Variants in TLN2 observed in about 807,000 individuals in gnomAD.
TLN2 encodes the protein talin-2.
In TLN2, 118 loss-of-function variants were observed where a neutral mutation model predicts 294.7. The ratio of observed to expected loss-of-function variants is 0.40; its 90% confidence interval spans 0.34 to 0.47. TLN2 has a LOEUF of 0.47. TLN2 is among the 20% of genes least tolerant of loss of function. The pLI, the probability that TLN2 is intolerant of heterozygous loss-of-function variation, is 0.84. For missense variants in TLN2, 3,083 were observed against 3,282.2 expected, an observed-to-expected ratio of 0.94 and a Z score of 1.48; for synonymous variants, 1,431 against 1,304.5, an observed-to-expected ratio of 1.10 and a Z score of -2.09.
chr15:62,660,089 T>C (rs886823691), intron 9 of TLN2, among the ~76,000 whole-genome samples: 2 of 152,204 alleles, frequency 1.3e-5, no homozygotes, highest in Admixed American at 6.5e-5. Flanking sequence ...GTTGGACTTG[T>C]GACAGTCATG....
At chr15:62,777,530 C>CAAAA (rs5813171) in intron 43 of TLN2, among the ~76,000 whole-genome samples, 2 of 135,490 alleles carry the variant, frequency 1.5e-5, no homozygotes, top group Non-Finnish European at 3.1e-5. Context: ...GCGAAACTCT[C>CAAAA]AAAAAAAAAA....
chr15:62,638,275 C>T (rs1027156873), intron 3 of TLN2: 6 of 327,592 alleles, frequency 1.8e-5, no homozygotes, highest in Middle Eastern at 1.1e-3. Flanking sequence ...TAGGCATCAT[C>T]TTTAATAAAG....
intron 11 of TLN2, among the ~76,000 whole-genome samples, chr15:62,678,913 G>A (rs947856668): frequency 6.6e-6 from 1 of 152,068 alleles, no homozygotes; most frequent in Non-Finnish European, 1.5e-5. Context: ...ACATTATTTT[G>A]GAAGTTCTGG....
intron 3 of TLN2, among the ~76,000 whole-genome samples, chr15:62,620,463 C>CT (rs1460245335): frequency 6.6e-6 from 1 of 151,754 alleles, no homozygotes. Flanking sequence ...CTTTCTCTCT[C>CT]TCTCCCTCCC....
At chr15:62,800,887 C>G (rs1274109402) in intron 50 of TLN2, 118 bp downstream of exon 50, 3 of 749,424 alleles carry the variant, frequency 4.0e-6, no homozygotes, top group East Asian at 2.7e-5. Context: ...ACTGAGAATG[C>G]CCCTTCACCT....
At chr15:62,403,527 C>G (rs2033173783) in intron 1 of TLN2, among the ~76,000 whole-genome samples, 1 of 152,158 alleles carries the variant, frequency 6.6e-6, no homozygotes, top group Non-Finnish European at 1.5e-5. Flanking sequence ...GCCACTGTGC[C>G]CCTCCCAGAA....
intron 22 of TLN2, among the ~76,000 whole-genome samples, chr15:62,714,612 A>C (rs1395380454): frequency 2.0e-5 from 3 of 152,160 alleles, no homozygotes; most frequent in Admixed American, 2.0e-4. Flanking sequence ...TTTATATTAA[A>C]TGAGACAACA....
intron 1 of TLN2, among the ~76,000 whole-genome samples, chr15:62,493,028 G>C (rs892688034): frequency 1.3e-5 from 2 of 152,152 alleles, no homozygotes; most frequent in Non-Finnish European, 2.9e-5. Flanking sequence ...TGAAAATCTG[G>C]AACTCACTAA....
intron 29 of TLN2, among the ~76,000 whole-genome samples, chr15:62,737,698 TCAGAGCACCC>T (rs1489577066): frequency 6.6e-6 from 1 of 152,202 alleles, no homozygotes; most frequent in Non-Finnish European, 1.5e-5. Context: ...CAGGTTGTGC[TCAGAGCACCC>T]CACTTGCCCT....
intron 50 of TLN2, among the ~76,000 whole-genome samples, chr15:62,801,775 T>C (rs898094201): frequency 2.0e-5 from 3 of 152,204 alleles, no homozygotes; most frequent in Non-Finnish European, 4.4e-5. Flanking sequence ...GCTGGGTGTT[T>C]GCTACCAAAA....
At chr15:62,430,025 T>C (rs2034931392) in intron 1 of TLN2, among the ~76,000 whole-genome samples, 2 of 152,240 alleles carry the variant, frequency 1.3e-5, no homozygotes, top group Admixed American at 6.5e-5. Context: ...TGATTCCAAT[T>C]TAGTGATATT....
At chr15:62,431,486 G>A (rs967363734) in intron 1 of TLN2, among the ~76,000 whole-genome samples, 6 of 152,108 alleles carry the variant, frequency 3.9e-5, no homozygotes, top group African/African-American at 1.2e-4. Flanking sequence ...GTCATATCCC[G>A]AAGTCACCGG....
At chr15:62,462,158 C>T (rs934497390) in intron 1 of TLN2, among the ~76,000 whole-genome samples, 7 of 152,158 alleles carry the variant, frequency 4.6e-5, no homozygotes, top group East Asian at 1.9e-4. Context: ...TGCTTGAACC[C>T]GGGAGGCGGA....
chr15:62,456,395 A>C (rs1353320388), intron 1 of TLN2, among the ~76,000 whole-genome samples: 1 of 152,134 alleles, frequency 6.6e-6, no homozygotes, highest in African/African-American at 2.4e-5. Flanking sequence ...CTCTTGAGTG[A>C]GTCCTCCCCA....
chr15:62,718,914 A>G (rs1404977781), intron 24 of TLN2, among the ~76,000 whole-genome samples: 1 of 152,178 alleles, frequency 6.6e-6, no homozygotes, highest in African/African-American at 2.4e-5. Context: ...GGAGCAAATG[A>G]CTAGAACTAG....
rs768090657 is a variant in TLN2 at position 62,727,238 on chromosome 15, G to C, written c.3358+49G>C. On this transcript the variant is annotated intron_variant, in intron 28 of 58. Coordinates refer to ENST00000636159, the MANE Select transcript of TLN2 (RefSeq NM_015059.3). Reference sequence around the variant, plus strand: ...ACTGTGGCCAGCTTCAGGCCACTGGGTGTAGTGGGGGAGGAGGAGGAGTTC... The same window carrying C: ...ACTGTGGCCAGCTTCAGGCCACTGGCTGTAGTGGGGGAGGAGGAGGAGTTC... 2.0e-6 allele frequency: 3 copies of C among 1,529,448 alleles called. No homozygotes were observed. The Admixed American group carries it at 5.5e-5, about 28-fold the overall frequency. The allele number at this position is 1,529,448 out of a possible 1,614,324, so 94.7% of individuals were successfully genotyped here.
At chr15:62,573,582 C>T (rs1278886180) in intron 1 of TLN2, among the ~76,000 whole-genome samples, 2 of 152,046 alleles carry the variant, frequency 1.3e-5, no homozygotes, top group East Asian at 3.9e-4. Flanking sequence ...GGCCATGCAC[C>T]CAGCTTCCCT....
At chr15:62,436,834 C>A (rs764245458) in intron 1 of TLN2, among the ~76,000 whole-genome samples, 2 of 152,212 alleles carry the variant, frequency 1.3e-5, no homozygotes, top group Non-Finnish European at 2.9e-5. Context: ...AGGGCTCATC[C>A]TTCCTTGGCT....
intron 2 of TLN2, among the ~76,000 whole-genome samples, chr15:62,595,624 A>G (rs898464619): frequency 5.9e-5 from 9 of 152,214 alleles, no homozygotes; most frequent in Non-Finnish European, 1.0e-4. Context: ...TGTTCATTGC[A>G]GCACTGTTCA....
Sources: gnomAD v4.1 joint callset for allele counts (sites outside exome capture counted in the v4.1 genomes callset) on GRCh38, gnomAD v4.1.1 for gene constraint, MANE v1.5 for transcripts, NCBI Gene and HGNC (gene_info 2026-07-23, HGNC 2026-07-21) for gene names.